The following KIAA1217 variants were observed in gnomAD, a reference collection of about 807,000 sequenced individuals.
KIAA1217 encodes the protein KIAA1217, also known as sickle tail protein homolog.
Under a neutral mutation model 163.9 loss-of-function variants are expected in KIAA1217, and 88 were observed. That is an observed-to-expected ratio of 0.54 (90% CI 0.45 to 0.64). The LOEUF is 0.64. Among genes scored for constraint, KIAA1217 ranks in the 30% least tolerant of loss-of-function variants. The probability of loss-of-function intolerance (pLI) is 0.00; values close to 1 mark genes in which losing one functional copy is unlikely to be tolerated. For synonymous variants in KIAA1217, 903 were observed against 923.1 expected, an observed-to-expected ratio of 0.98 and a Z score of 0.39; for missense variants, 2,372 against 2,475.0, an observed-to-expected ratio of 0.96 and a Z score of 0.88.
chr10:24,363,107 A>C (rs1329654594), intron 2 of KIAA1217, among the ~76,000 whole-genome samples: 3 of 152,156 alleles, frequency 2.0e-5, no homozygotes, highest in Non-Finnish European at 4.4e-5. Context: ...GCCTTGTTAT[A>C]GAATTATATT....
chr10:24,153,428 G>T (rs1237598113), intron 2 of KIAA1217, among the ~76,000 whole-genome samples: 1 of 152,164 alleles, frequency 6.6e-6, no homozygotes, highest in Non-Finnish European at 1.5e-5. Context: ...CTTTCAGAAG[G>T]CACTTGGAGC....
rs117960204 is a variant in KIAA1217 at position 24,156,001 on chromosome 10, C to T, written c.-170-63625C>T. ...ATAGCTTATTTGAAGTATAAATGCA[C>T]ACATTTATACCTTTAGTAACTGCAC... On this transcript the variant is annotated intron_variant, in intron 2 of 18. Coordinates refer to the KIAA1217 transcript ENST00000376462. Among the ~76,000 whole-genome samples, 101 of 152,264 alleles carry T rather than the reference C, an allele frequency of 6.6e-4. 2 individuals carry two copies. In the East Asian group the frequency reaches 0.012, roughly 18 times the overall value.
At chr10:23,897,053 A>C (rs1303518210) in intron 1 of KIAA1217, among the ~76,000 whole-genome samples, 4 of 152,032 alleles carry the variant, frequency 2.6e-5, no homozygotes, top group Non-Finnish European at 5.9e-5. Flanking sequence ...GCAAGTGATA[A>C]ATTTTTGGAA....
At chr10:24,378,213 G>T (rs1256116438) in intron 2 of KIAA1217, among the ~76,000 whole-genome samples, 2 of 152,120 alleles carry the variant, frequency 1.3e-5, no homozygotes, top group African/African-American at 4.8e-5. Flanking sequence ...TTACAATTGA[G>T]AGTTTAATTG....
chr10:23,966,909 G>T (rs912831970), intron 1 of KIAA1217, among the ~76,000 whole-genome samples: 1 of 152,122 alleles, frequency 6.6e-6, no homozygotes, highest in Non-Finnish European at 1.5e-5. Context: ...GCCATGTGCT[G>T]CTTCAAAAAG....
In KIAA1217 at chr10:24,473,344, T is replaced by A. The variant is rs751755756; in HGVS notation, c.963T>A (p.His321Gln). 1.3e-6 allele frequency: 2 copies of A among 1,597,722 alleles called. No homozygotes were observed. The highest frequency in any genetic ancestry group is 3.4e-5 in the Admixed American group (2 of 59,032). Residue 321 changes from histidine to glutamine, a missense_variant, in exon 6 of 21, where the codon CAT becomes CAA. Physicochemically the swap from His to Gln is conservative, Grantham distance 24 (BLOSUM62 0). Around this residue, in one of 3 missense-constraint regions of KIAA1217, gnomAD observed 1,431 missense variants for 1,470.3 expected, o/e 0.97. Coordinates refer to ENST00000376454, the MANE Select transcript of KIAA1217 (RefSeq NM_019590.5). ...PNSPPSTPVP[H>Q]SMPPSPSRIP... ...CCCCACCGTCTACTCCAGTGCCCCA[T>A]TCCATGCCCCCCTCCCCGTCCAGAA... is the stretch of plus-strand genomic sequence containing the variant.
chr10:24,329,607 T>A (rs1434049169), intron 2 of KIAA1217, among the ~76,000 whole-genome samples: 2 of 152,294 alleles, frequency 1.3e-5, no homozygotes, highest in African/African-American at 4.8e-5. Flanking sequence ...TCAGAAGTTA[T>A]TTAACTACTC....
intron 2 of KIAA1217, among the ~76,000 whole-genome samples, chr10:24,115,128 T>C (rs1719514634): frequency 6.6e-6 from 1 of 152,192 alleles, no homozygotes; most frequent in Non-Finnish European, 1.5e-5. Flanking sequence ...TGTGTATACA[T>C]TTGTGTGTTT....
intron 2 of KIAA1217, among the ~76,000 whole-genome samples, chr10:24,373,360 C>T (rs566187170): frequency 1.1e-4 from 16 of 152,222 alleles, no homozygotes; most frequent in Non-Finnish European, 2.4e-4. Flanking sequence ...TTCCTCCTTT[C>T]CCCTTCTGGA....
chr10:23,777,791 A>T (rs763719297), intron 1 of KIAA1217, among the ~76,000 whole-genome samples: 1 of 152,194 alleles, frequency 6.6e-6, no homozygotes, highest in Non-Finnish European at 1.5e-5. Flanking sequence ...TATTCACTAT[A>T]AGGAAAGAAT....
chr10:24,165,330 A>G (rs1165406383), intron 2 of KIAA1217, among the ~76,000 whole-genome samples: 1 of 152,178 alleles, frequency 6.6e-6, no homozygotes, highest in African/African-American at 2.4e-5. Flanking sequence ...ACCTCCAGGA[A>G]CTGTCCGCAC....
At chr10:24,164,385 C>T (rs1157397458) in intron 2 of KIAA1217, among the ~76,000 whole-genome samples, 2 of 152,230 alleles carry the variant, frequency 1.3e-5, no homozygotes, top group Non-Finnish European at 2.9e-5. Context: ...CCCTATTTTA[C>T]TATCTTGGTA....
intron 2 of KIAA1217, among the ~76,000 whole-genome samples, chr10:24,032,491 C>T (rs1848229328): frequency 6.6e-6 from 1 of 152,160 alleles, no homozygotes. Context: ...AAGTGATCCA[C>T]CTCTTAAAGT....
Position 24,368,868 on chromosome 10 carries a change from A to G in KIAA1217, c.355-12001A>G, listed in dbSNP as rs1478777521. 5.1e-6 allele frequency: 5 copies of G among 983,880 alleles called. No homozygotes were observed. The African/African-American group carries it at 8.7e-5, about 17-fold the overall frequency. The allele number at this position is 983,880 out of a possible 1,614,324, so 60.9% of individuals were successfully genotyped here. A position where few individuals can be genotyped will look rare whatever the true frequency, so the allele number is the denominator to read the frequency against. On this transcript the variant is annotated intron_variant, in intron 2 of 20. Coordinates refer to ENST00000376454, the MANE Select transcript of KIAA1217 (RefSeq NM_019590.5). ...ACCTAAGGAAAGCTAAATGGTTGGC[A>G]TCTTTTATAATTTACCAATTGCTGT...
chr10:23,745,530 C>T lies in KIAA1217; in HGVS notation c.-321+50296C>T, dbSNP rs12246032. ...AATAGACTTCAATACATGATGTTTC[C>T]GTGTGTCCTGCTGAGAAGCTCTCAC... is the stretch of plus-strand genomic sequence containing the variant. On this transcript the variant is annotated intron_variant, in intron 1 of 18. Coordinates refer to the KIAA1217 transcript ENST00000376462. Among the ~76,000 whole-genome samples the T allele has an allele frequency of 7.1e-3, 1,077 of 152,212 alleles. 19 individuals carry two copies. The highest frequency in any genetic ancestry group is 0.025 in the African/African-American group (1,032 of 41,516).
At chr10:23,821,093 CTGTGTGTGTGCGTGTGTGTGTG>C (rs2131012530) in intron 1 of KIAA1217, among the ~76,000 whole-genome samples, 1 of 137,448 alleles carries the variant, frequency 7.3e-6, no homozygotes, top group South Asian at 2.2e-4. Context: ...TTTCTTGCAG[CTGTGTGTGTGCGTGTGTGTGTG>C]TGTGTGTGTG....
intron 1 of KIAA1217, among the ~76,000 whole-genome samples, chr10:23,840,155 C>T (rs1036155970): frequency 3.3e-5 from 5 of 149,860 alleles, no homozygotes; most frequent in Non-Finnish European, 5.9e-5. Flanking sequence ...CTTGTAATTA[C>T]GCTTCTTTTT....
chr10:24,532,036 AT>A, intron 15 of KIAA1217, 43 bp downstream of exon 15: 1 of 1,439,616 alleles, frequency 6.9e-7, no homozygotes, highest in Non-Finnish European at 9.2e-7. Flanking sequence ...CTGGGTTCAG[AT>A]GATACCCTTA....
chr10:24,522,116 A>C (rs1362023320), intron 12 of KIAA1217, among the ~76,000 whole-genome samples, 187 bp downstream of exon 12: 1 of 152,138 alleles, frequency 6.6e-6, no homozygotes, highest in African/African-American at 2.4e-5. Context: ...TAATTCTTCA[A>C]CACAGGATTG....
Sources: allele counts gnomAD v4.1 joint callset (sites outside exome capture counted in the v4.1 genomes callset), GRCh38; gene constraint gnomAD v4.1.1; regional missense constraint gnomAD v4.1.1; transcripts MANE v1.5; gene names NCBI Gene and HGNC (gene_info 2026-07-23, HGNC 2026-07-21).